NUMA1: variants seen among roughly 807,000 people sequenced by gnomAD.
NUMA1 encodes nuclear mitotic apparatus protein 1.
In NUMA1, 62 loss-of-function variants were observed where a neutral mutation model predicts 237.1. That is an observed-to-expected ratio of 0.26 (90% CI 0.21 to 0.32). NUMA1 has a LOEUF of 0.32. Ranked by LOEUF, NUMA1 falls within the 10% of genes least tolerant of loss-of-function variation. The pLI is 1.00. For synonymous variants in NUMA1, 1,028 were observed against 1,066.1 expected (o/e 0.96, Z 0.70); for missense variants, 2,533 against 2,666.5 (o/e 0.95, Z 1.10).
Position 72,018,472 on chromosome 11 carries a change from C to T in NUMA1, c.784G>A (p.Ala262Thr), listed in dbSNP as rs775174765. 6.2e-7 allele frequency: 1 copy of T among 1,614,136 alleles called. No homozygotes were observed. ...GCCGCCTGCTTCTCATTCAGCAGGG[C>T]TAGGCGGTCAATGCGCTGCTGCATC... ...AMMQQRIDRLALLNEKQAASP... is the reference protein window; with the variant it reads ...AMMQQRIDRLTLLNEKQAASP... The change falls in exon 11 of 27, where the codon GCC (alanine) becomes ACC (threonine). Residue 262 changes from alanine to threonine, a missense_variant. By Grantham distance (58) the Ala-to-Thr change is moderately conservative. Transcript: ENST00000393695.
At chr11:72,022,226 T>A in intron 7 of NUMA1, 113 bp downstream of exon 7, 1 of 612,616 alleles carries the variant, frequency 1.6e-6, no homozygotes, top group South Asian at 2.4e-5. Context: ...TGGCAATAAT[T>A]GCTATAACTG....
chr11:72,046,859 C>T (rs1428378977), intron 2 of NUMA1, among the ~76,000 whole-genome samples: 3 of 151,788 alleles, frequency 2.0e-5, no homozygotes, highest in African/African-American at 7.3e-5. Context: ...ACTTGGGAGG[C>T]TGAGGCAAGA....
intron 13 of NUMA1, chr11:72,017,391 A>C: frequency 4.5e-6 from 2 of 440,328 alleles, no homozygotes. Flanking sequence ...ATTTTAGGGA[A>C]AGGATGCTTA....
intron 1 of NUMA1, among the ~76,000 whole-genome samples, chr11:72,070,755 C>T (rs561749172): frequency 6.6e-6 from 1 of 152,124 alleles, no homozygotes; most frequent in Non-Finnish European, 1.5e-5. Context: ...GGCAACAGAG[C>T]GAAACCACGT....
intron 16 of NUMA1, among the ~76,000 whole-genome samples, chr11:72,011,545 C>A (rs1002070459): frequency 2.6e-5 from 4 of 152,326 alleles, no homozygotes; most frequent in Middle Eastern, 3.4e-3. Context: ...GACCAGGCAG[C>A]ACAGGGGAGA....
chr11:72,006,314 G>A lies in NUMA1; in HGVS notation c.5464-51C>T, dbSNP rs145153676. The A allele has an allele frequency of 9.8e-3, 14,760 of 1,505,830 alleles. 85 individuals are homozygous for A. Among genetic ancestry groups the A allele is most frequent in the Non-Finnish European group, 0.012 (13,402 of 1,090,072 alleles). 93.3% of individuals were successfully genotyped at this position (1,505,830 alleles called of 1,614,324 possible). ...AGTGTACAGTCCCTGGCACTGTACA[G>A]AAGCTTCCCATTCCCTTCCGAAGCC... On this transcript the variant is annotated intron_variant, in intron 21 of 26. Coordinates refer to ENST00000393695, the MANE Select transcript of NUMA1 (RefSeq NM_006185.4).
In NUMA1 at chr11:72,007,170, CCT is replaced by C. The variant is rs752510261; in HGVS notation, c.5463+17_5463+18del. 3.7e-5 allele frequency: 60 copies of C among 1,603,866 alleles called. No individual in the cohort carries two copies. In the African/African-American group the frequency reaches 5.1e-4, roughly 14 times the overall value. The stretch of plus-strand genomic sequence containing the variant: ...AAGTGGGAATTGCTGCCCTGCAGCC[CCT>C]GTCCCAGCAGCCTGACCTTGGTCAT... On this transcript the variant is annotated intron_variant, in intron 21 of 26. Coordinates refer to ENST00000393695, the MANE Select transcript of NUMA1 (RefSeq NM_006185.4).
intron 22 of NUMA1, 77 bp from the exon 23 acceptor site, chr11:72,005,446 C>G: frequency 7.0e-7 from 1 of 1,431,800 alleles, no homozygotes; most frequent in Non-Finnish European, 9.6e-7. Flanking sequence ...TCTTGCCAGC[C>G]TTTGCTGCCA....
At chr11:72,011,926 T>A (rs1023514551) in intron 16 of NUMA1, among the ~76,000 whole-genome samples, 4 of 152,060 alleles carry the variant, frequency 2.6e-5, no homozygotes, top group Non-Finnish European at 4.4e-5. Context: ...CCCACAATCC[T>A]CCCTAACCTG....
intron 13 of NUMA1, 145 bp downstream of exon 13, chr11:72,017,542 C>T: frequency 9.5e-7 from 1 of 1,047,684 alleles, no homozygotes. Flanking sequence ...AGACTGAAGC[C>T]CACAATCTTT....
intron 26 of NUMA1, 174 bp from the exon 27 acceptor site, chr11:72,003,712 A>C: frequency 1.0e-6 from 1 of 990,544 alleles, no homozygotes. Context: ...CTCCATGAGA[A>C]TGGGGCCATC....
At chr11:72,011,073 A>G (rs1956126201) in intron 16 of NUMA1, among the ~76,000 whole-genome samples, 2 of 152,252 alleles carry the variant, frequency 1.3e-5, no homozygotes, top group African/African-American at 2.4e-5. Context: ...TGCCAGGGCC[A>G]ACTGTTCTTG....
chr11:72,052,691 G>A (rs904137040), intron 2 of NUMA1, among the ~76,000 whole-genome samples: 2 of 152,038 alleles, frequency 1.3e-5, no homozygotes, highest in Non-Finnish European at 2.9e-5. Context: ...TTGAACCCAG[G>A]AGGTGGAGGT....
At chr11:72,057,878 T>C (rs1942745832) in intron 2 of NUMA1, among the ~76,000 whole-genome samples, 1 of 150,712 alleles carries the variant, frequency 6.6e-6, no homozygotes, top group Non-Finnish European at 1.5e-5. Flanking sequence ...GAGAACAGCC[T>C]GGCCAACATA....
In NUMA1 at chr11:72,008,738, A is replaced by G. The variant is rs1955929660; in HGVS notation, c.5166T>C (p.Ile1722=). Residue 1722 remains isoleucine (I), a synonymous_variant, in exon 20 of 27, where the codon ATT becomes ATC. Transcript: ENST00000393695. The part of the protein sequence containing the change: ...PQAKPQLDLS[I]DSLDLSCEEG... ...CCTCGCAGCTCAGATCCAGGCTGTC[A>G]ATACTCAAGTCCAGCTGGGGCTTAG... 2 of 1,613,980 alleles carry G rather than the reference A, an allele frequency of 1.2e-6. No homozygotes were observed. Among genetic ancestry groups the G allele is most frequent in the Non-Finnish European group, 1.7e-6 (2 of 1,180,026 alleles).
chr11:72,012,537 T>C (rs1237057958), intron 15 of NUMA1, 95 bp from the exon 16 acceptor site: 1 of 1,208,170 alleles, frequency 8.3e-7, no homozygotes, highest in African/African-American at 1.5e-5. Context: ...GCTCTGATAC[T>C]TTCCCCTAAG....
intron 2 of NUMA1, among the ~76,000 whole-genome samples, chr11:72,062,244 G>A (rs1390022892): frequency 1.3e-5 from 2 of 151,750 alleles, no homozygotes; most frequent in Admixed American, 6.6e-5. Context: ...ACTTCAAAAG[G>A]TCATTTTAAG....
At chr11:72,003,650 G>T in intron 26 of NUMA1, 112 bp from the exon 27 acceptor site, 1 of 1,402,682 alleles carries the variant, frequency 7.1e-7, no homozygotes, top group Non-Finnish European at 1.0e-6. Context: ...CCCCTCCCTT[G>T]TGAGCCCCAG....
rs778122658 is a variant in NUMA1, at chr11:72,014,826, C to A, written c.2677G>T (p.Val893Phe). 4 of 1,614,120 alleles carry A rather than the reference C, an allele frequency of 2.5e-6. No individual in the cohort carries two copies. Among genetic ancestry groups the A allele is most frequent in the African/African-American group, 2.7e-5 (2 of 74,940 alleles). Residue 893 changes from valine to phenylalanine, a missense_variant, in exon 15 of 27, where the codon GTC becomes TTC. Coordinates refer to ENST00000393695, the MANE Select transcript of NUMA1 (RefSeq NM_006185.4). The surrounding 1 kb of genome is among the most constrained non-coding windows in gnomAD (Gnocchi z 4.6). ...RALQQVQEKEVRAQKLADDLS... is the reference protein window; with the variant it reads ...RALQQVQEKEFRAQKLADDLS... ...TCATCTGCAAGCTTCTGGGCCCTGACTTCCTTCTCTTGGACCTGCTGGAGT... is the reference window on the plus strand; with the variant it reads ...TCATCTGCAAGCTTCTGGGCCCTGAATTCCTTCTCTTGGACCTGCTGGAGT...
Sources: gnomAD v4.1 joint callset for allele counts (sites outside exome capture counted in the v4.1 genomes callset) on GRCh38, gnomAD v4.1.1 for gene constraint, Gnocchi (gnomAD v3.1) non-coding constraint, MANE v1.5 for transcripts, NCBI Gene and HGNC (gene_info 2026-07-23, HGNC 2026-07-21) for gene names.